The following PHKA1 variants were observed in gnomAD, a reference collection of about 807,000 sequenced individuals.
PHKA1 encodes phosphorylase kinase regulatory subunit alpha 1, also known as phosphorylase b kinase regulatory subunit alpha, skeletal muscle isoform.
PHKA1 carries 60 observed loss-of-function variants against 110.2 expected under a neutral mutation model. The observed-to-expected ratio is 0.54, with a 90% CI of 0.44 to 0.68. The LOEUF (loss-of-function observed/expected upper bound fraction) is 0.68, where lower values mean the gene tolerates loss of function less well. Among genes scored for constraint, PHKA1 ranks in the 30% least tolerant of loss-of-function variants. The pLI is 0.00. For synonymous variants in PHKA1, 316 were observed against 333.6 expected (o/e 0.95, Z 0.58); for missense variants, 801 against 942.5 (o/e 0.85, Z 1.97).
intron 28 of PHKA1, among the ~76,000 whole-genome samples, chrX:72,596,152 G>A (rs932224177): frequency 9.0e-6 from 1 of 111,636 alleles, no homozygotes; most frequent in Non-Finnish European, 1.9e-5. Context: ...TGACAGTGTC[G>A]ATGAACCTGC....
At chrX:72,699,625 T>A (rs1459603331) in intron 3 of PHKA1, among the ~76,000 whole-genome samples, 6 of 110,961 alleles carry the variant, frequency 5.4e-5, no homozygotes, top group Non-Finnish European at 1.9e-5. Flanking sequence ...AAAAAAAATT[T>A]TTTTAAACTA....
At chrX:72,654,065 G>GAA (rs71830176) in intron 10 of PHKA1, among the ~76,000 whole-genome samples, 2 of 99,679 alleles carry the variant, frequency 2.0e-5, no homozygotes, top group African/African-American at 7.2e-5. Flanking sequence ...AATTTATGAT[G>GAA]AAAAAAAAAA....
chrX:72,618,941 C>T, intron 20 of PHKA1, 92 bp from the exon 21 acceptor site: 3 of 861,722 alleles, frequency 3.5e-6, no homozygotes, highest in Non-Finnish European at 5.1e-6. Flanking sequence ...ACCTCTAAAC[C>T]TTTTCCAAGG....
intron 12 of PHKA1, among the ~76,000 whole-genome samples, 185 bp downstream of exon 12, chrX:72,652,359 G>T (rs1390782480): frequency 4.5e-5 from 5 of 111,541 alleles, no homozygotes; most frequent in African/African-American, 1.6e-4. Context: ...TGGTTGCCAG[G>T]CAGCAAGAGC....
intron 23 of PHKA1, among the ~76,000 whole-genome samples, chrX:72,607,573 A>C (rs1424835737): frequency 8.9e-6 from 1 of 111,916 alleles, no homozygotes; most frequent in African/African-American, 3.2e-5. Context: ...ACAGACTATT[A>C]GATTTTTTTC....
chrX:72,678,220 C>G (rs1275775760), intron 5 of PHKA1, among the ~76,000 whole-genome samples: 1 of 111,496 alleles, frequency 9.0e-6, no homozygotes, highest in Non-Finnish European at 1.9e-5. Context: ...GAATCCAAGA[C>G]CTGGGCACTG....
At position 72,684,625 on chromosome X, in the gene PHKA1, T is replaced by C. The variant is rs1411333433; in HGVS notation, c.455-45A>G. On this transcript the variant is annotated intron_variant, in intron 4 of 31. Coordinates refer to ENST00000373542, the MANE Select transcript of PHKA1 (RefSeq NM_002637.4). ...AGATACAGAACTGGTCAATTATCAC[T>C]ATAAGCTTTATAGGCAGCCATAGTG... 5 of 793,859 alleles carry C rather than the reference T, an allele frequency of 6.3e-6. No individual in the cohort carries two copies. The African/African-American group carries it at 1.0e-4, about 16-fold the overall frequency. 65.4% of individuals were successfully genotyped at this position (793,859 alleles called of 1,213,427 possible).
At chrX:72,619,733 A>G (rs1446538766) in intron 19 of PHKA1, among the ~76,000 whole-genome samples, 1 of 112,039 alleles carries the variant, frequency 8.9e-6, no homozygotes, top group Non-Finnish European at 1.9e-5. Flanking sequence ...TATCTAGGGA[A>G]TAAGAAAAAT....
intron 18 of PHKA1, chrX:72,622,505 G>T (rs1219790326): frequency 1.3e-6 from 1 of 751,860 alleles, no homozygotes; most frequent in Non-Finnish European, 1.6e-6. Flanking sequence ...ACACTGTAGG[G>T]TAGTGTTGCT....
intron 6 of PHKA1, among the ~76,000 whole-genome samples, chrX:72,672,148 T>C (rs1432822135): frequency 9.0e-6 from 1 of 111,399 alleles, no homozygotes; most frequent in African/African-American, 3.3e-5. Flanking sequence ...CCTTTTGGAG[T>C]AGTGGCATGA....
At chrX:72,609,780 A>G in intron 22 of PHKA1, 77 bp from the exon 23 acceptor site, 2 of 718,721 alleles carry the variant, frequency 2.8e-6, no homozygotes, top group Non-Finnish European at 4.5e-6. Flanking sequence ...TCAGCTGAAA[A>G]ACCTTTGCTC....
chrX:72,622,243 GTCCTATTGTATGAGA>G, intron 18 of PHKA1: 12 of 754,149 alleles, frequency 1.6e-5, no homozygotes, highest in Non-Finnish European at 1.9e-5. Context: ...CTAATGTGTT[GTCCTATTGTATGAGA>G]TTGTGCTGGC....
At chrX:72,617,104 GAACA>G (rs2147702214) in intron 21 of PHKA1, among the ~76,000 whole-genome samples, 1 of 110,773 alleles carries the variant, frequency 9.0e-6, no homozygotes, top group African/African-American at 3.3e-5. Context: ...AGAAAAACAA[GAACA>G]AACTAAACCC....
intron 28 of PHKA1, among the ~76,000 whole-genome samples, chrX:72,594,876 A>G (rs1426784723): frequency 8.9e-6 from 1 of 112,497 alleles, no homozygotes; most frequent in Non-Finnish European, 1.9e-5. Context: ...CAAAACATTT[A>G]AAGAGGAATT....
intron 21 of PHKA1, among the ~76,000 whole-genome samples, chrX:72,612,789 T>A (rs2052832117): frequency 8.9e-6 from 1 of 112,105 alleles, no homozygotes. Flanking sequence ...GAGTTCTGTG[T>A]TCCCTTCCCT....
intron 9 of PHKA1, among the ~76,000 whole-genome samples, chrX:72,657,208 AAGAT>A (rs1419586137): frequency 8.9e-6 from 1 of 112,453 alleles, no homozygotes; most frequent in Non-Finnish European, 1.9e-5. Flanking sequence ...TGGGGCCAGA[AAGAT>A]CTACTGATGG....
chrX:72,650,531 A>T, intron 12 of PHKA1, 63 bp from the exon 13 acceptor site: 1 of 896,207 alleles, frequency 1.1e-6, no homozygotes, highest in Non-Finnish European at 1.6e-6. Flanking sequence ...TACTTGAGGG[A>T]AAACAACATC....
At chrX:72,667,584 C>G in intron 6 of PHKA1, 111 bp from the exon 7 acceptor site, 1 of 560,194 alleles carries the variant, frequency 1.8e-6, no homozygotes, top group Admixed American at 2.7e-5. Flanking sequence ...TTGAATATGT[C>G]TGACAGAATA....
Position 72,667,407 on chromosome X carries a change from G to A in PHKA1, c.685C>T (p.His229Tyr). ...TGCTGTACTTCATCAGCCAGGACAT[G>A]GATAACTGATTGAGGCCCACCTTTC... ...GVKGGPQSVI[H>Y]VLADEVQHCQ... Residue 229 changes from histidine to tyrosine, a missense_variant, in exon 7 of 32, where the codon CAT (histidine) becomes TAT (tyrosine). Around this residue, in one of 2 missense-constraint regions of PHKA1, gnomAD observed 299 missense variants for 423.3 expected, o/e 0.71. Transcript: ENST00000373542. 1 of 1,209,275 alleles carries A rather than the reference G, an allele frequency of 8.3e-7. No homozygotes were observed. Among genetic ancestry groups the A allele is most frequent in the East Asian group, 3.0e-5 (1 of 33,828 alleles).
Sources: gnomAD v4.1 joint callset for allele counts (sites outside exome capture counted in the v4.1 genomes callset) on GRCh38, gnomAD v4.1.1 for gene constraint, gnomAD v4.1.1 regional missense constraint, MANE v1.5 for transcripts, NCBI Gene and HGNC (gene_info 2026-07-23, HGNC 2026-07-21) for gene names.